RIMBP2: variants seen among roughly 807,000 people sequenced by gnomAD.
The protein encoded by RIMBP2 is RIMS binding protein 2, also known as RIMS-binding protein 2.
In RIMBP2, 48 loss-of-function variants were observed where a neutral mutation model predicts 118.6. The ratio of observed to expected loss-of-function variants is 0.40; its 90% CI spans 0.32 to 0.51. The LOEUF (loss-of-function observed/expected upper bound fraction) is 0.51, where lower values mean the gene tolerates loss of function less well. RIMBP2 is among the 20% of genes least tolerant of loss of function. The pLI is 0.41. For synonymous variants in RIMBP2, 762 were observed against 742.9 expected, an observed-to-expected ratio of 1.03 and a Z score of -0.42; for missense variants, 1,551 against 1,768.3, an observed-to-expected ratio of 0.88 and a Z score of 2.20.
intron 1 of RIMBP2, among the ~76,000 whole-genome samples, chr12:130,687,725 C>CT (rs1398739181): frequency 6.6e-6 from 1 of 152,186 alleles, no homozygotes; most frequent in Non-Finnish European, 1.5e-5. Context: ...AGCATATAGA[C>CT]TTTCAGACAT....
intron 11 of RIMBP2, among the ~76,000 whole-genome samples, chr12:130,439,279 TTG>T (rs1280966881): frequency 6.6e-6 from 1 of 151,800 alleles, no homozygotes; most frequent in East Asian, 1.9e-4. Flanking sequence ...TGTATGTACA[TTG>T]TGTGTGTATA....
intron 4 of RIMBP2, among the ~76,000 whole-genome samples, chr12:130,489,953 G>A (rs558396568): frequency 6.5e-4 from 99 of 152,016 alleles, no homozygotes; most frequent in African/African-American, 1.8e-3. Context: ...GTGAAACCCC[G>A]TCTCTACTAA....
intron 3 of RIMBP2, among the ~76,000 whole-genome samples, chr12:130,515,387 C>T (rs945898492): frequency 6.6e-6 from 1 of 152,154 alleles, no homozygotes; most frequent in African/African-American, 2.4e-5. Context: ...CCCCTCTACC[C>T]AGCCCCTGGC....
At chr12:130,428,971 C>A (rs1331527927) in intron 14 of RIMBP2, 1 of 152,328 alleles carries the variant, frequency 6.6e-6, no homozygotes, top group East Asian at 1.9e-4. Flanking sequence ...GTGGCGGGCG[C>A]CTGTAGTCTC....
At chr12:130,558,261 G>T (rs971820280) in intron 2 of RIMBP2, among the ~76,000 whole-genome samples, 4 of 152,092 alleles carry the variant, frequency 2.6e-5, no homozygotes, top group Non-Finnish European at 5.9e-5. Context: ...AGAAGAGCTT[G>T]CTAATAACAC....
chr12:130,610,210 G>A (rs1594026950), intron 2 of RIMBP2, among the ~76,000 whole-genome samples: 1 of 151,142 alleles, frequency 6.6e-6, no homozygotes, highest in East Asian at 2.0e-4. Flanking sequence ...GCTCCTCCCG[G>A]TCCCTCCCGT....
intron 1 of RIMBP2, among the ~76,000 whole-genome samples, chr12:130,696,176 G>A (rs765386665): frequency 1.3e-5 from 2 of 152,228 alleles, no homozygotes; most frequent in Non-Finnish European, 2.9e-5. Flanking sequence ...CACAAGGACA[G>A]GCACATGATA....
At chr12:130,425,037 T>C in intron 15 of RIMBP2, 179 bp from the exon 16 acceptor site, 1 of 362,490 alleles carries the variant, frequency 2.8e-6, no homozygotes, top group Non-Finnish European at 4.8e-6. Flanking sequence ...GAAAACAGAA[T>C]GGGTTACGGG....
At chr12:130,438,335 A>ACCCCCCC (rs146625626) in intron 12 of RIMBP2, 30 bp downstream of exon 12, 146 of 865,730 alleles carry the variant, frequency 1.7e-4, no homozygotes, top group South Asian at 2.1e-4. Context: ...GGCCTAACAA[A>ACCCCCCC]CCCTCCCCAC....
intron 5 of RIMBP2, among the ~76,000 whole-genome samples, chr12:130,476,693 C>T (rs1474965165): frequency 7.2e-5 from 11 of 152,330 alleles, no homozygotes; most frequent in Non-Finnish European, 1.2e-4. Context: ...TCTAAAGTCA[C>T]GGCCCCGTCA....
At chr12:130,482,133 G>A (rs918881487) in intron 4 of RIMBP2, among the ~76,000 whole-genome samples, 3 of 152,330 alleles carry the variant, frequency 2.0e-5, no homozygotes, top group African/African-American at 2.4e-5. Flanking sequence ...ACCTCAGTGC[G>A]GTGTGGCTTT....
rs10848094 is a variant in RIMBP2, at chr12:130,396,818, A to G, written c.*543T>C. 0.94 allele frequency: 143,042 copies of G among 152,704 alleles called. 67,117 individuals carry two copies. The highest frequency in any genetic ancestry group is 0.96 in the Non-Finnish European group (65,297 of 68,052). The allele number at this position is 152,704 out of a possible 1,614,324, so 9.5% of individuals were successfully genotyped here. On this transcript the variant is annotated 3_prime_UTR_variant, in exon 23 of 23. Transcript: ENST00000690449. The stretch of plus-strand genomic sequence containing the variant: ...TGCACAGCCTGTACAACTTGATCTC[A>G]AACCACTGTGTCAGGATGAAGACCA...
intron 1 of RIMBP2, among the ~76,000 whole-genome samples, chr12:130,665,999 C>T (rs940329364): frequency 6.6e-6 from 1 of 152,166 alleles, no homozygotes; most frequent in African/African-American, 2.4e-5. Context: ...TCTGAATCAT[C>T]TGACAGCAAC....
At chr12:130,545,213 T>C (rs2055003207) in intron 2 of RIMBP2, among the ~76,000 whole-genome samples, 1 of 152,180 alleles carries the variant, frequency 6.6e-6, no homozygotes, top group Non-Finnish European at 1.5e-5. Context: ...CAGGACTCCC[T>C]GGTACTTGGT....
At chr12:130,548,692 G>A (rs1305581866) in intron 2 of RIMBP2, among the ~76,000 whole-genome samples, 2 of 152,008 alleles carry the variant, frequency 1.3e-5, no homozygotes, top group African/African-American at 2.4e-5. Context: ...TTCTGCCTCA[G>A]CCTCCCAAGT....
At chr12:130,408,375 C>G (rs930315660) in intron 19 of RIMBP2, among the ~76,000 whole-genome samples, 1 of 152,224 alleles carries the variant, frequency 6.6e-6, no homozygotes, top group Admixed American at 6.5e-5. Context: ...AGCCCAGTGG[C>G]TTCCCTCATG....
intron 1 of RIMBP2, among the ~76,000 whole-genome samples, chr12:130,696,724 A>T (rs1374650820): frequency 6.6e-6 from 1 of 152,218 alleles, no homozygotes; most frequent in African/African-American, 2.4e-5. Context: ...AATCAGAAGG[A>T]GTAAGGGGAA....
intron 6 of RIMBP2, among the ~76,000 whole-genome samples, chr12:130,468,753 G>T (rs998493720): frequency 6.6e-6 from 1 of 152,166 alleles, no homozygotes; most frequent in Non-Finnish European, 1.5e-5. Context: ...AGGGTTATCC[G>T]CTAGGCTCTC....
rs539951528 is a variant in RIMBP2, at chr12:130,557,734, C to A, written c.-216-39817G>T. On this transcript the variant is annotated intron_variant, in intron 2 of 22. Transcript: ENST00000690449. ...TATAGATGACAAATTCAGCTACCTG[C>A]GGAGATTGATTTTTAAAAACATATT... Among the ~76,000 whole-genome samples, 10 of 152,324 alleles carry A rather than the reference C, an allele frequency of 6.6e-5. No individual in the cohort carries two copies. The South Asian group carries it at 1.2e-3, about 19-fold the overall frequency.
Sources: allele counts gnomAD v4.1 joint callset (sites outside exome capture counted in the v4.1 genomes callset), GRCh38; gene constraint gnomAD v4.1.1; transcripts MANE v1.5; gene names NCBI Gene and HGNC (gene_info 2026-07-23, HGNC 2026-07-21).